GRIA1: variants seen among roughly 807,000 people sequenced by gnomAD.
GRIA1 encodes the protein glutamate ionotropic receptor AMPA type subunit 1.
Under a neutral mutation model 99.2 loss-of-function variants are expected in GRIA1, and 31 were observed. That is an observed-to-expected ratio of 0.31 (90% CI 0.23 to 0.42). The LOEUF (loss-of-function observed/expected upper bound fraction) is 0.42, where lower values mean the gene tolerates loss of function less well. Ranked by LOEUF, GRIA1 falls within the 10% of genes least tolerant of loss-of-function variation. GRIA1 has a pLI of 1.00. For synonymous variants in GRIA1, 438 were observed against 432.4 expected (o/e 1.01, Z -0.16); for missense variants, 782 against 1,157.5 (o/e 0.68, Z 4.71).
chr5:153,510,499 G>A (rs946946802), intron 2 of GRIA1, among the ~76,000 whole-genome samples: 1 of 152,152 alleles, frequency 6.6e-6, no homozygotes, highest in African/African-American at 2.4e-5. Flanking sequence ...GAACAGAAAG[G>A]TTGGGGGTGA....
At chr5:153,727,790 T>C (rs1183391507) in intron 11 of GRIA1, among the ~76,000 whole-genome samples, 1 of 151,928 alleles carries the variant, frequency 6.6e-6, no homozygotes, top group Non-Finnish European at 1.5e-5. Flanking sequence ...ATCAATATCG[T>C]GAAAATGGCC....
At chr5:153,564,327 T>C (rs975195093) in intron 2 of GRIA1, among the ~76,000 whole-genome samples, 1 of 152,188 alleles carries the variant, frequency 6.6e-6, no homozygotes, top group Admixed American at 6.5e-5. Flanking sequence ...AAGAAGTTTT[T>C]GTTTGTCTGT....
chr5:153,687,287 A>C (rs540552929), intron 8 of GRIA1, among the ~76,000 whole-genome samples: 1 of 152,120 alleles, frequency 6.6e-6, no homozygotes, highest in African/African-American at 2.4e-5. Context: ...TGGAATCCTC[A>C]ACACTGAATC....
intron 2 of GRIA1, among the ~76,000 whole-genome samples, chr5:153,604,935 CCAAGTAGAAAAA>C (rs1478858368): frequency 1.3e-5 from 2 of 151,996 alleles, no homozygotes; most frequent in Non-Finnish European, 2.9e-5. Flanking sequence ...GGAGAGACAA[CCAAGTAGAAAAA>C]CAGGCAAAAG....
chr5:153,676,304 C>G (rs945690414), intron 6 of GRIA1, among the ~76,000 whole-genome samples: 1 of 152,070 alleles, frequency 6.6e-6, no homozygotes, highest in Non-Finnish European at 1.5e-5. Context: ...GTGAAGAAAA[C>G]AGACATAGGT....
chr5:153,751,377 T>G (rs560224072), intron 11 of GRIA1, among the ~76,000 whole-genome samples: 1 of 152,400 alleles, frequency 6.6e-6, no homozygotes, highest in East Asian at 1.9e-4. Flanking sequence ...GCATATTAGC[T>G]TAGATCAAAG....
chr5:153,729,193 A>G (rs991418475), intron 11 of GRIA1, among the ~76,000 whole-genome samples: 4 of 150,048 alleles, frequency 2.7e-5, no homozygotes, highest in East Asian at 4.0e-4. Flanking sequence ...ATGAGAACAC[A>G]TGGACATAGG....
chr5:153,650,764 TAAA>T (rs5872330), intron 4 of GRIA1, among the ~76,000 whole-genome samples: 6 of 147,894 alleles, frequency 4.1e-5, no homozygotes, highest in Non-Finnish European at 7.5e-5. Context: ...CTCTATTGTT[TAAA>T]AAAAAAAAAT....
At position 153,733,705 on chromosome 5, in the gene GRIA1, G is replaced by A. The variant is rs755212784; in HGVS notation, c.1823+27638G>A. Among the ~76,000 whole-genome samples the A allele has an allele frequency of 3.0e-4, 46 of 152,132 alleles. 1 individual carries two copies. The highest frequency in any genetic ancestry group is 2.3e-3 in the South Asian group (11 of 4,818). ...AATTGGAAACCAAAAGAGAGCAGAG[G>A]TCACTGTATTTATATCAGAAAAAAT... On this transcript the variant is annotated intron_variant, in intron 11 of 15. Coordinates refer to ENST00000285900, the MANE Select transcript of GRIA1 (RefSeq NM_000827.4).
intron 2 of GRIA1, among the ~76,000 whole-genome samples, chr5:153,586,824 A>C (rs1581272620): frequency 6.6e-6 from 1 of 152,236 alleles, no homozygotes; most frequent in Non-Finnish European, 1.5e-5. Flanking sequence ...AAATGTAAAG[A>C]AAAGCACAGA....
rs534995750 is a variant in GRIA1, at chr5:153,492,084, C to T, written c.82+1114C>T. ...GTTGGTTTGGTTTCTAGTCTCTCTC[C>T]CCTGGTAGGGAGATAGCTCCACTAG... On this transcript the variant is annotated intron_variant, in intron 1 of 15. Coordinates refer to ENST00000285900, the MANE Select transcript of GRIA1 (RefSeq NM_000827.4). 1.8e-4 allele frequency: 251 copies of T among 1,367,674 alleles called. 2 individuals are homozygous for T. The South Asian group carries it at 3.7e-3, about 20-fold the overall frequency. 84.7% of individuals were successfully genotyped at this position (1,367,674 alleles called of 1,614,324 possible).
At chr5:153,800,267 C>G (rs1765921864) in intron 14 of GRIA1, among the ~76,000 whole-genome samples, 1 of 152,116 alleles carries the variant, frequency 6.6e-6, no homozygotes, top group Non-Finnish European at 1.5e-5. Context: ...CCACCCCTAC[C>G]CCTGTTTAAA....
At chr5:153,745,796 A>T (rs568273406) in intron 11 of GRIA1, among the ~76,000 whole-genome samples, 26 of 152,254 alleles carry the variant, frequency 1.7e-4, no homozygotes, top group African/African-American at 6.3e-4. Context: ...TATCTCTGCC[A>T]AGGTTGAGTT....
intron 2 of GRIA1, among the ~76,000 whole-genome samples, chr5:153,571,054 A>G (rs1433563590): frequency 1.3e-5 from 2 of 152,172 alleles, no homozygotes; most frequent in African/African-American, 2.4e-5. Context: ...GCGATTCTCA[A>G]CGTTAGCACT....
chr5:153,720,775 G>T (rs1423357240), intron 11 of GRIA1, among the ~76,000 whole-genome samples: 1 of 152,172 alleles, frequency 6.6e-6, no homozygotes, highest in African/African-American at 2.4e-5. Flanking sequence ...CGAATGATCT[G>T]ACATTCTACA....
At chr5:153,603,776 C>T (rs12513963) in intron 2 of GRIA1, among the ~76,000 whole-genome samples, 5,952 of 152,178 alleles carry the variant, frequency 0.039, 145 homozygotes, top group Non-Finnish European at 0.057. Context: ...CAGTTGCCAC[C>T]GCCTAGCTAC....
intron 2 of GRIA1, among the ~76,000 whole-genome samples, chr5:153,528,207 G>A (rs1757784838): frequency 6.6e-6 from 1 of 152,068 alleles, no homozygotes; most frequent in Admixed American, 6.6e-5. Flanking sequence ...TCAAATAAAA[G>A]AAACATTGCC....
At chr5:153,686,356 G>A in intron 8 of GRIA1, 27 bp downstream of exon 8, 1 of 1,543,652 alleles carries the variant, frequency 6.5e-7, no homozygotes, top group South Asian at 1.1e-5. Flanking sequence ...CTTCTGTTCT[G>A]CAGAGAGAAG....
chr5:153,492,171 G>A lies in GRIA1; in HGVS notation c.82+1201G>A, dbSNP rs1753975902. ...TGAGTGTGTGTTTGAGGGGGGATGT[G>A]GTGCAATTGATATTTTGTCGGGCAT... On this transcript the variant is annotated intron_variant, in intron 1 of 15. Coordinates refer to ENST00000285900, the MANE Select transcript of GRIA1 (RefSeq NM_000827.4). 3.3e-6 allele frequency: 5 copies of A among 1,514,234 alleles called. 1 individual carries two copies. The allele number at this position is 1,514,234 out of a possible 1,614,324, so 93.8% of individuals were successfully genotyped here.
Sources: allele counts gnomAD v4.1 joint callset (sites outside exome capture counted in the v4.1 genomes callset), GRCh38; gene constraint gnomAD v4.1.1; transcripts MANE v1.5; gene names NCBI Gene and HGNC (gene_info 2026-07-23, HGNC 2026-07-21).